ENTPD7: variants seen among roughly 807,000 people sequenced by gnomAD.
ENTPD7 encodes ectonucleoside triphosphate diphosphohydrolase 7, also known as NTPDase 7.
Under a neutral mutation model 77.9 loss-of-function variants are expected in ENTPD7, and 53 were observed. The observed-to-expected ratio is 0.68, with a 90% CI of 0.55 to 0.85. The LOEUF (loss-of-function observed/expected upper bound fraction) is 0.85, where lower values mean the gene tolerates loss of function less well. ENTPD7 is among the 40% of genes least tolerant of loss of function. ENTPD7 has a pLI of 0.00. For synonymous variants in ENTPD7, 248 were observed against 274.9 expected, an observed-to-expected ratio of 0.90 and a Z score of 0.97; for missense variants, 636 against 743.7, an observed-to-expected ratio of 0.86 and a Z score of 1.68.
Position 99,691,094 on chromosome 10 carries a change from C to T in ENTPD7, c.710-291C>T, listed in dbSNP as rs1239490021. The stretch of plus-strand genomic sequence containing the variant: ...CTCAAACTCTTGGGCACAAATGATC[C>T]TCTGGCCTCAGCCTCCTGAGTAGCT... On this transcript the variant is annotated intron_variant, in intron 7 of 12. Transcript: ENST00000370489. Among the ~76,000 whole-genome samples the T allele has an allele frequency of 2.0e-5, 3 of 152,082 alleles. No homozygotes were observed. In the East Asian group the frequency reaches 5.8e-4, roughly 29 times the overall value.
chr10:99,660,545 C>CACAT, intron 2 of ENTPD7: 1 of 350,554 alleles, frequency 2.9e-6, no homozygotes, highest in Admixed American at 3.8e-5. Context: ...CACACACACA[C>CACAT]ACACACACAC....
At chr10:99,676,870 C>G (rs2035687210) in intron 3 of ENTPD7, among the ~76,000 whole-genome samples, 1 of 152,170 alleles carries the variant, frequency 6.6e-6, no homozygotes, top group Non-Finnish European at 1.5e-5. Flanking sequence ...AAAGTTCTAC[C>G]TACCCCTACT....
intron 3 of ENTPD7, among the ~76,000 whole-genome samples, chr10:99,674,025 C>T (rs11599780): frequency 6.6e-6 from 1 of 152,098 alleles, no homozygotes; most frequent in Non-Finnish European, 1.5e-5. Flanking sequence ...GGAATATTGA[C>T]GTCCACATTT....
chr10:99,703,707 T>C (rs2036189563), intron 12 of ENTPD7, among the ~76,000 whole-genome samples: 1 of 152,122 alleles, frequency 6.6e-6, no homozygotes, highest in African/African-American at 2.4e-5. Flanking sequence ...TAAGGAAACA[T>C]AGTACCTTTA....
Position 99,661,580 on chromosome 10 carries a change from A to T in ENTPD7, c.143A>T (p.Asp48Val). 6.2e-7 allele frequency: 1 copy of T among 1,613,526 alleles called. No homozygotes were observed. The highest frequency in any genetic ancestry group is 8.5e-7 in the Non-Finnish European group (1 of 1,179,880). ...SCLLLLMLII[D>V]FRHWSASLPR... ...CTCCTTTTACTTATGTTAATCATAG[A>T]CTTTCGACATTGGAGTGCTTCATTA... The change falls in exon 3 of 13, where the codon GAC (aspartate) becomes GTC (valine). Residue 48 changes from aspartate to valine, a missense_variant. By Grantham distance (152) the Asp-to-Val change is radical (BLOSUM62 -3). Coordinates refer to ENST00000370489, the MANE Select transcript of ENTPD7 (RefSeq NM_020354.5).
chr10:99,667,392 G>C (rs1399051857), intron 3 of ENTPD7, among the ~76,000 whole-genome samples: 3 of 152,186 alleles, frequency 2.0e-5, no homozygotes, highest in Non-Finnish European at 4.4e-5. Context: ...TCGTAATCTA[G>C]TTAGAGAGGC....
chr10:99,661,578 A>C lies in ENTPD7; in HGVS notation c.141A>C (p.Ile47=), dbSNP rs370984711. The change falls in exon 3 of 13, where the codon ATA becomes ATC. Residue 47 remains isoleucine (I), a synonymous_variant. Coordinates refer to ENST00000370489, the MANE Select transcript of ENTPD7 (RefSeq NM_020354.5). ...GTCTCCTTTTACTTATGTTAATCAT[A>C]GACTTTCGACATTGGAGTGCTTCAT... ...ISCLLLLMLI[I]DFRHWSASLP... is the part of the protein sequence containing the mutation. 1 of 1,613,730 alleles carries C rather than the reference A, an allele frequency of 6.2e-7. No homozygotes were observed. Among genetic ancestry groups the C allele is most frequent in the Non-Finnish European group, 8.5e-7 (1 of 1,179,900 alleles).
intron 8 of ENTPD7, among the ~76,000 whole-genome samples, chr10:99,693,405 GA>G (rs1163321888): frequency 6.6e-6 from 1 of 152,152 alleles, no homozygotes; most frequent in Admixed American, 6.5e-5. Flanking sequence ...AAATGTGGGG[GA>G]CTAACTAGGT....
chr10:99,670,081 C>T (rs1441765379), intron 3 of ENTPD7, among the ~76,000 whole-genome samples: 2 of 152,118 alleles, frequency 1.3e-5, no homozygotes, highest in African/African-American at 4.8e-5. Flanking sequence ...ATTTTTCTGG[C>T]ATGTGCCACA....
At chr10:99,685,972 T>G (rs1040045132) in intron 6 of ENTPD7, 77 bp downstream of exon 6, 1 of 863,248 alleles carries the variant, frequency 1.2e-6, no homozygotes, top group Non-Finnish European at 1.8e-6. Context: ...GTGTTTAGAA[T>G]TATTCTATAT....
chr10:99,675,508 GTT>G lies in ENTPD7; in HGVS notation c.192-3749_192-3748del, dbSNP rs1202670774. ...ATTTTAATGTAACAGAGTATGAAAA[GTT>G]TTTAGATAGGGTTTTAGATTCCAAT... is the stretch of plus-strand genomic sequence containing the variant. On this transcript the variant is annotated intron_variant, in intron 3 of 12. Coordinates refer to ENST00000370489, the MANE Select transcript of ENTPD7 (RefSeq NM_020354.5). Among the ~76,000 whole-genome samples the G allele has an allele frequency of 3.7e-5, 4 of 107,684 alleles. No individual in the cohort carries two copies. The Admixed American group carries it at 6.2e-4, about 17-fold the overall frequency. 70.6% of individuals were successfully genotyped at this position (107,684 alleles called of 152,430 possible).
chr10:99,699,415 A>C (rs2036059870), intron 10 of ENTPD7, among the ~76,000 whole-genome samples: 2 of 152,202 alleles, frequency 1.3e-5, no homozygotes, highest in South Asian at 4.1e-4. Context: ...TATAGGACTT[A>C]AGCATCATAT....
chr10:99,663,569 C>T (rs1029711508), intron 3 of ENTPD7, among the ~76,000 whole-genome samples: 1 of 151,464 alleles, frequency 6.6e-6, no homozygotes, highest in Non-Finnish European at 1.5e-5. Flanking sequence ...AAGCTATCTT[C>T]CTGCCTCAGC....
At chr10:99,683,026 C>T (rs1045947463) in intron 5 of ENTPD7, among the ~76,000 whole-genome samples, 1 of 152,166 alleles carries the variant, frequency 6.6e-6, no homozygotes, top group African/African-American at 2.4e-5. Context: ...TGTGTAGCTC[C>T]ACCCTTTTTG....
intron 3 of ENTPD7, among the ~76,000 whole-genome samples, chr10:99,666,479 G>A (rs1336748449): frequency 9.2e-5 from 14 of 152,140 alleles, no homozygotes; most frequent in Admixed American, 8.5e-4. Flanking sequence ...AAAGTGCTGG[G>A]GTTACAGGCA....
chr10:99,684,226 A>AT lies in ENTPD7; in HGVS notation c.549-1561dup, dbSNP rs563620647. 4.3e-3 allele frequency among the ~76,000 whole-genome samples: 656 copies of AT among 152,094 alleles called. 3 individuals carry two copies. The highest frequency in any genetic ancestry group is 6.5e-3 in the Non-Finnish European group (445 of 67,996). ...GTCACCATGCCTGGCTAATTTTTGT[A>AT]TTTTTGGTAGAGATGGGGTTTCACC... On this transcript the variant is annotated intron_variant, in intron 5 of 12. Transcript: ENST00000370489.
At chr10:99,691,745 C>T (rs75877025) in intron 8 of ENTPD7, among the ~76,000 whole-genome samples, 2,320 of 152,142 alleles carry the variant, frequency 0.015, 47 homozygotes, top group African/African-American at 0.051. Context: ...TGAAATAATA[C>T]CATGTTTGTA....
intron 3 of ENTPD7, among the ~76,000 whole-genome samples, chr10:99,675,587 A>G (rs1486253049): frequency 2.3e-5 from 3 of 132,956 alleles, no homozygotes; most frequent in African/African-American, 8.3e-5. Flanking sequence ...TTAGATTCCA[A>G]TTGCAACTAA....
rs747805629 is a variant in ENTPD7, at chr10:99,679,835, T to C, written c.508T>C (p.Tyr170His). Residue 170 changes from tyrosine to histidine, a missense_variant, in exon 5 of 13, where the codon TAC becomes CAC. Physicochemically the swap from Tyr to His is moderately conservative, Grantham distance 83 (BLOSUM62 2). Coordinates refer to ENST00000370489, the MANE Select transcript of ENTPD7 (RefSeq NM_020354.5). Reference sequence around the variant, plus strand: ...GAAGAAGCACAAGGAGACCCCTCTTTACATCCTCTGCACAGCAGGCATGAG... The same window carrying C: ...GAAGAAGCACAAGGAGACCCCTCTTCACATCCTCTGCACAGCAGGCATGAG... The part of the protein sequence containing the change: ...PVKKHKETPL[Y>H]ILCTAGMRLL... The C allele has an allele frequency of 1.7e-5, 28 of 1,614,054 alleles. No individual in the cohort carries two copies. Among genetic ancestry groups the C allele is most frequent in the South Asian group, 1.2e-4 (11 of 91,086 alleles).
Sources: gnomAD v4.1 joint callset for allele counts (sites outside exome capture counted in the v4.1 genomes callset) on GRCh38, gnomAD v4.1.1 for gene constraint, MANE v1.5 for transcripts, NCBI Gene and HGNC (gene_info 2026-07-23, HGNC 2026-07-21) for gene names.